The following LZTS1 variants were observed in gnomAD, a reference collection of about 807,000 sequenced individuals.
The protein encoded by LZTS1 is leucine zipper tumor suppressor 1.
In LZTS1, 31 loss-of-function variants were observed where a neutral mutation model predicts 45.8. The observed-to-expected ratio is 0.68, with a 90% CI of 0.51 to 0.91. The LOEUF is 0.91. Among genes scored for constraint, LZTS1 ranks in the 40% least tolerant of loss-of-function variants. The pLI, the probability that LZTS1 is intolerant of heterozygous loss-of-function variation, is 0.00. For missense variants in LZTS1, 821 were observed against 788.9 expected, an observed-to-expected ratio of 1.04 and a Z score of -0.49; for synonymous variants, 359 against 357.3, an observed-to-expected ratio of 1.00 and a Z score of -0.05.
rs67555163 is a variant in LZTS1, at chr8:20,276,245, A to ATTTT, written c.-134-20934_-134-20931dup. 4.9e-3 allele frequency among the ~76,000 whole-genome samples: 711 copies of ATTTT among 145,778 alleles called. 21 individuals carry two copies. The East Asian group carries it at 0.076, about 16-fold the overall frequency. On this transcript the variant is annotated intron_variant, in intron 1 of 3. Coordinates refer to ENST00000381569, the MANE Select transcript of LZTS1 (RefSeq NM_021020.5). ...TAAAATCCTTAGAGTCTCCAGAGTG[A>ATTTT]TTTTTTTTTTTTTTTGACTGATGGT... is the stretch of plus-strand genomic sequence containing the variant.
chr8:20,294,973 C>T (rs1800957610), intron 1 of LZTS1, among the ~76,000 whole-genome samples: 6 of 151,800 alleles, frequency 4.0e-5, no homozygotes, highest in Admixed American at 3.9e-4. Flanking sequence ...CCTATTATCT[C>T]CCCCAAGCAG....
At chr8:20,286,418 G>C (rs887503259) in intron 1 of LZTS1, among the ~76,000 whole-genome samples, 1 of 152,206 alleles carries the variant, frequency 6.6e-6, no homozygotes, top group African/African-American at 2.4e-5. Flanking sequence ...TGTGAGTACT[G>C]ATTAGGAAAA....
intron 3 of LZTS1, among the ~76,000 whole-genome samples, chr8:20,251,129 A>G (rs1369154471): frequency 3.4e-5 from 1 of 29,210 alleles, no homozygotes; most frequent in African/African-American, 1.6e-4. Context: ...ATATATATAT[A>G]TATATATATA....
chr8:20,257,757 C>A (rs1800140633), intron 1 of LZTS1, among the ~76,000 whole-genome samples: 1 of 151,496 alleles, frequency 6.6e-6, no homozygotes, highest in South Asian at 2.1e-4. Flanking sequence ...GCAACCTCCA[C>A]CTCGCGGGTT....
chr8:20,274,977 G>GTGTGTATGTGTGTA (rs1399728612), intron 1 of LZTS1, among the ~76,000 whole-genome samples: 1 of 152,088 alleles, frequency 6.6e-6, no homozygotes, highest in Non-Finnish European at 1.5e-5. Context: ...GTGTGTGTGT[G>GTGTGTATGTGTGTA]TGTGTGTCTC....
chr8:20,258,434 C>T (rs894510288), intron 1 of LZTS1, among the ~76,000 whole-genome samples: 1 of 152,102 alleles, frequency 6.6e-6, no homozygotes, highest in South Asian at 2.1e-4. Context: ...GACTCTGTGA[C>T]TCTGAATATC....
intron 1 of LZTS1, among the ~76,000 whole-genome samples, chr8:20,283,445 T>C (rs1800733191): frequency 6.6e-6 from 1 of 152,200 alleles, no homozygotes; most frequent in Non-Finnish European, 1.5e-5. Flanking sequence ...CTTGGACTTC[T>C]CAGCCTCCAG....
Position 20,250,038 on chromosome 8 carries a change from G to T in LZTS1, c.1475C>A (p.Thr492Asn). The change falls in exon 4 of 4, where the codon ACC becomes AAC. Residue 492 changes from threonine (T) to asparagine (N), a missense_variant. Physicochemically the swap from Thr to Asn is moderately conservative, Grantham distance 65 (BLOSUM62 0). Transcript: ENST00000381569. ...CAGGGCAGGGACGTCCTCGGGGAAG[G>T]TGGGCGGCCCCATGTCGCGGGCCAG... Reference protein sequence around the residue: ...AALARDMGPPTFPEDVPALQR... With the variant: ...AALARDMGPPNFPEDVPALQR... The T allele has an allele frequency of 6.2e-7, 1 of 1,610,002 alleles. No individual in the cohort carries two copies. Among genetic ancestry groups the T allele is most frequent in the Non-Finnish European group, 8.5e-7 (1 of 1,179,178 alleles).
chr8:20,294,584 G>C (rs1800951031), intron 1 of LZTS1, among the ~76,000 whole-genome samples: 1 of 152,128 alleles, frequency 6.6e-6, no homozygotes, highest in South Asian at 2.1e-4. Flanking sequence ...TGGGGCTGGG[G>C]GAATTTGATA....
intron 3 of LZTS1, among the ~76,000 whole-genome samples, chr8:20,251,720 A>G (rs937437115): frequency 4.6e-5 from 7 of 152,230 alleles, no homozygotes; most frequent in Non-Finnish European, 8.8e-5. Context: ...TCTGCATCCA[A>G]GCCAGCATGA....
chr8:20,288,708 C>T (rs974965538), intron 1 of LZTS1, among the ~76,000 whole-genome samples: 1 of 152,122 alleles, frequency 6.6e-6, no homozygotes. Flanking sequence ...GCCCCTGGCA[C>T]CCCTCTCCCC....
At chr8:20,262,981 CT>C (rs1239281968) in intron 1 of LZTS1, among the ~76,000 whole-genome samples, 2 of 152,226 alleles carry the variant, frequency 1.3e-5, no homozygotes, top group Admixed American at 1.3e-4. Flanking sequence ...GGCAACCATA[CT>C]GGCCCTGCCA....
intron 3 of LZTS1, among the ~76,000 whole-genome samples, chr8:20,252,227 G>A (rs1282193652): frequency 6.6e-6 from 1 of 152,062 alleles, no homozygotes. Flanking sequence ...TGTGTGAGTG[G>A]GGGACTCTTT....
intron 3 of LZTS1, among the ~76,000 whole-genome samples, chr8:20,252,572 T>C (rs988033196): frequency 6.6e-6 from 1 of 152,062 alleles, no homozygotes; most frequent in African/African-American, 2.4e-5. Context: ...GCCATGAGGG[T>C]GATGGTGGGG....
chr8:20,268,145 A>AG (rs61277866), intron 1 of LZTS1, among the ~76,000 whole-genome samples: 140,940 of 141,026 alleles, frequency 1, 70,429 homozygotes, highest in Middle Eastern at 1. Flanking sequence ...CAGGTCCTTT[A>AG]GAAGGACTCC....
chr8:20,252,152 C>T (rs1029379265), intron 3 of LZTS1, among the ~76,000 whole-genome samples: 7 of 152,122 alleles, frequency 4.6e-5, no homozygotes, highest in South Asian at 2.1e-4. Flanking sequence ...TTCTCCAGCA[C>T]GGTCAGGTAC....
chr8:20,277,649 C>CTGA (rs1800610877), intron 1 of LZTS1, among the ~76,000 whole-genome samples: 1 of 152,132 alleles, frequency 6.6e-6, no homozygotes, highest in Admixed American at 6.5e-5. Flanking sequence ...ACTTTGTAGG[C>CTGA]TGATCTATGA....
In LZTS1 at chr8:20,247,440, C is replaced by T. The variant is rs190163226; in HGVS notation, c.*2282G>A. 124 of 153,100 alleles carry T rather than the reference C, an allele frequency of 8.1e-4. 1 individual carries two copies. The highest frequency in any genetic ancestry group is 1.5e-3 in the Non-Finnish European group (100 of 68,398). The allele number at this position is 153,100 out of a possible 1,614,324, so 9.5% of individuals were successfully genotyped here. A position where few individuals can be genotyped will look rare whatever the true frequency, so the allele number is the denominator to read the frequency against. ...TGGGAGGAAAAACTCAAACAAGGCA[C>T]GGCCTGGTGGAAATGAAGGAACTGA... On this transcript the variant is annotated 3_prime_UTR_variant, in exon 4 of 4. Transcript: ENST00000381569.
At chr8:20,271,151 A>G (rs536410175) in intron 1 of LZTS1, among the ~76,000 whole-genome samples, 2 of 152,222 alleles carry the variant, frequency 1.3e-5, no homozygotes, top group South Asian at 2.1e-4. Context: ...GTCCTGAGTT[A>G]AAGCTCTCTT....
Sources: gnomAD v4.1 joint callset for allele counts (sites outside exome capture counted in the v4.1 genomes callset) on GRCh38, gnomAD v4.1.1 for gene constraint, MANE v1.5 for transcripts, NCBI Gene and HGNC (gene_info 2026-07-23, HGNC 2026-07-21) for gene names.